KPNA5: variants seen among roughly 807,000 people sequenced by gnomAD.
KPNA5 encodes the protein karyopherin subunit alpha 5, also known as importin subunit alpha-6.
In KPNA5, 46 loss-of-function variants were observed where a neutral mutation model predicts 71.3. That is an observed-to-expected ratio of 0.65 (90% CI 0.51 to 0.83). The LOEUF (loss-of-function observed/expected upper bound fraction) is 0.83, where lower values mean the gene tolerates loss of function less well. Ranked by LOEUF, KPNA5 falls within the 40% of genes least tolerant of loss-of-function variation. KPNA5 has a pLI of 0.00. For missense variants in KPNA5, 547 were observed against 628.3 expected (o/e 0.87, Z 1.38); for synonymous variants, 207 against 201.4 (o/e 1.03, Z -0.24).
chr6:116,716,770 G>A (rs889060333), intron 8 of KPNA5, among the ~76,000 whole-genome samples: 2 of 152,108 alleles, frequency 1.3e-5, no homozygotes, highest in African/African-American at 4.8e-5. Flanking sequence ...TGTTTAAGAT[G>A]CTGTTAGGAA....
At chr6:116,688,892 A>C (rs1214859035) in intron 1 of KPNA5, among the ~76,000 whole-genome samples, 4 of 152,150 alleles carry the variant, frequency 2.6e-5, no homozygotes, top group Non-Finnish European at 5.9e-5. Flanking sequence ...TATTTCATTA[A>C]AAATAAGATA....
In KPNA5 at chr6:116,740,900, C is replaced by T. The variant is rs1179159025; in HGVS notation, c.*8577C>T. The T allele has an allele frequency of 2.6e-5, 4 of 151,388 alleles. No individual in the cohort carries two copies. The highest frequency in any genetic ancestry group is 5.9e-5 in the Non-Finnish European group (4 of 67,924). The allele number at this position is 151,388 out of a possible 1,614,324, so 9.4% of individuals were successfully genotyped here. ...AGGAGATATACCTAATGCTAAATGA[C>T]GAGTTAATGGGTGCAGCACACCAAC... is the stretch of plus-strand genomic sequence containing the variant. On this transcript the variant is annotated 3_prime_UTR_variant, in exon 14 of 14. Coordinates refer to ENST00000368564, the MANE Select transcript of KPNA5 (RefSeq NM_001366306.2).
rs1026480074 is a variant in KPNA5, at chr6:116,733,311, A to G, written c.*988A>G. ...TACAAGTTTAGGTACTCGAATGACAAAATTACCCTGAAGAAATAACCTTAT... is the reference window on the plus strand; with the variant it reads ...TACAAGTTTAGGTACTCGAATGACAGAATTACCCTGAAGAAATAACCTTAT... On this transcript the variant is annotated 3_prime_UTR_variant, in exon 14 of 14. Transcript: ENST00000368564. 43 of 151,864 alleles carry G rather than the reference A, an allele frequency of 2.8e-4. No individual in the cohort carries two copies. The highest frequency in any genetic ancestry group is 9.6e-4 in the African/African-American group (40 of 41,548). The allele number at this position is 151,864 out of a possible 1,614,324, so 9.4% of individuals were successfully genotyped here. A position where few individuals can be genotyped will look rare whatever the true frequency, so the allele number is the denominator to read the frequency against.
At chr6:116,703,743 T>C (rs1163294998) in intron 6 of KPNA5, among the ~76,000 whole-genome samples, 3 of 152,166 alleles carry the variant, frequency 2.0e-5, no homozygotes, top group Non-Finnish European at 4.4e-5. Flanking sequence ...ATGTTAAAAA[T>C]ACTAACTTAT....
chr6:116,710,412 T>C (rs1393504967), intron 7 of KPNA5, among the ~76,000 whole-genome samples: 1 of 152,188 alleles, frequency 6.6e-6, no homozygotes, highest in African/African-American at 2.4e-5. Context: ...ATTTTGCGGC[T>C]ACATAGTAGA....
At chr6:116,720,365 A>G (rs1583439057) in intron 8 of KPNA5, among the ~76,000 whole-genome samples, 1 of 147,986 alleles carries the variant, frequency 6.8e-6, no homozygotes, top group Admixed American at 6.7e-5. Flanking sequence ...ATTAATGTCT[A>G]CTGGCCTTTT....
At chr6:116,711,501 G>GT (rs961149637) in intron 7 of KPNA5, among the ~76,000 whole-genome samples, 158 of 133,400 alleles carry the variant, frequency 1.2e-3, no homozygotes, top group South Asian at 1.4e-3. Flanking sequence ...GTTTTGGTGT[G>GT]TTTTTTTTTT....
rs1779515912 is a variant in KPNA5, at chr6:116,732,106, ATATATATATATATATAC to A, written c.1433-28_1433-12del. The A allele has an allele frequency of 5.5e-5, 9 of 162,858 alleles. No individual in the cohort carries two copies. The highest frequency in any genetic ancestry group is 6.9e-5 in the Non-Finnish European group (6 of 87,410). 10.1% of individuals were successfully genotyped at this position (162,858 alleles called of 1,614,324 possible). On this transcript the variant is annotated splice_polypyrimidine_tract_variant and intron_variant, in intron 13 of 13. Coordinates refer to ENST00000368564, the MANE Select transcript of KPNA5 (RefSeq NM_001366306.2). ...TATATATATATATATATATATATAT[ATATATATATATATATAC>A]TTTGTATAACAGGTCTGGATAAAAT... is the stretch of plus-strand genomic sequence containing the variant.
intron 9 of KPNA5, among the ~76,000 whole-genome samples, chr6:116,723,211 A>T (rs1779179656): frequency 6.6e-6 from 1 of 152,224 alleles, no homozygotes; most frequent in Non-Finnish European, 1.5e-5. Flanking sequence ...AATATAGAAG[A>T]GGAGAAAGCC....
chr6:116,736,400 T>C lies in KPNA5; in HGVS notation c.*4077T>C, dbSNP rs1451877776. Reference sequence around the variant, plus strand: ...GTGACTGGGTACAAAGTTTCTTCTTTGAGCAATAAAAATAGGATTTTCTAA... The same window carrying C: ...GTGACTGGGTACAAAGTTTCTTCTTCGAGCAATAAAAATAGGATTTTCTAA... On this transcript the variant is annotated 3_prime_UTR_variant, in exon 14 of 14. Transcript: ENST00000368564. The C allele has an allele frequency of 6.6e-6, 1 of 151,904 alleles. No homozygotes were observed. The highest frequency in any genetic ancestry group is 2.4e-5 in the African/African-American group (1 of 41,416). The allele number at this position is 151,904 out of a possible 1,614,324, so 9.4% of individuals were successfully genotyped here. A position where few individuals can be genotyped will look rare whatever the true frequency, so the allele number is the denominator to read the frequency against.
At chr6:116,681,924 G>A (rs1777374986) in intron 1 of KPNA5, among the ~76,000 whole-genome samples, 2 of 152,070 alleles carry the variant, frequency 1.3e-5, no homozygotes, top group East Asian at 1.9e-4. Flanking sequence ...TAATACATAG[G>A]AGATGGAAGT....
At position 116,716,206 on chromosome 6, in the gene KPNA5, T is replaced by C; in HGVS notation, c.657-13T>C. The C allele has an allele frequency of 6.3e-7, 1 of 1,593,736 alleles. No homozygotes were observed. Among genetic ancestry groups the C allele is most frequent in the Non-Finnish European group, 8.6e-7 (1 of 1,168,072 alleles). On this transcript the variant is annotated splice_polypyrimidine_tract_variant and intron_variant, in intron 7 of 13. Coordinates refer to ENST00000368564, the MANE Select transcript of KPNA5 (RefSeq NM_001366306.2). ...TGTAAGGTGATAATTCTTTTTTTTC[T>C]TTTTCTTGGCAGGTTATTAACAAAT...
In KPNA5 at chr6:116,740,720, CCTT is replaced by C. The variant is rs1259858045; in HGVS notation, c.*8400_*8402del. The C allele has an allele frequency of 6.6e-6, 1 of 152,066 alleles. No individual in the cohort carries two copies. Among genetic ancestry groups the C allele is most frequent in the African/African-American group, 2.4e-5 (1 of 41,384 alleles). 9.4% of individuals were successfully genotyped at this position (152,066 alleles called of 1,614,324 possible). On this transcript the variant is annotated 3_prime_UTR_variant, in exon 14 of 14. Coordinates refer to ENST00000368564, the MANE Select transcript of KPNA5 (RefSeq NM_001366306.2). ...GGACATGGATGAAATTGGAAATCAT[CCTT>C]CTCAGTAAGCTATCGCAAGAACAAA...
At chr6:116,688,953 C>CTT (rs59172034) in intron 1 of KPNA5, among the ~76,000 whole-genome samples, 78 of 151,094 alleles carry the variant, frequency 5.2e-4, no homozygotes, top group Middle Eastern at 3.4e-3. Context: ...ATTTAGAAGA[C>CTT]TTTTTTTTTA....
intron 6 of KPNA5, among the ~76,000 whole-genome samples, chr6:116,704,247 C>T (rs1466702028): frequency 6.6e-6 from 1 of 152,118 alleles, no homozygotes; most frequent in East Asian, 1.9e-4. Context: ...CCATGTTGGC[C>T]AGGCTGGTCG....
At chr6:116,716,142 A>G (rs545411408) in intron 7 of KPNA5, 77 bp from the exon 8 acceptor site, 3 of 1,026,916 alleles carry the variant, frequency 2.9e-6, no homozygotes, top group African/African-American at 3.3e-5. Flanking sequence ...TATATTGGAG[A>G]GAAATTTTGT....
intron 8 of KPNA5, among the ~76,000 whole-genome samples, chr6:116,719,393 G>A (rs1208081138): frequency 6.6e-6 from 1 of 152,226 alleles, no homozygotes; most frequent in Non-Finnish European, 1.5e-5. Context: ...GGACTTCATT[G>A]TAGGATAATT....
chr6:116,731,445 T>A (rs746189028), intron 13 of KPNA5, among the ~76,000 whole-genome samples: 1 of 152,190 alleles, frequency 6.6e-6, no homozygotes, highest in South Asian at 2.1e-4. Context: ...GCTGCTTTTT[T>A]TTCTGTGATA....
At position 116,681,268 on chromosome 6, in the gene KPNA5, T is replaced by A; in HGVS notation, c.-67T>A. On this transcript the variant is annotated 5_prime_UTR_variant, in exon 1 of 14. Coordinates refer to ENST00000368564, the MANE Select transcript of KPNA5 (RefSeq NM_001366306.2). ...ACGCCAGGGGCGGAGTGGCGGCCCT[T>A]CTGTTACCCGCCACACACGTCGCCG... is the stretch of plus-strand genomic sequence containing the variant. The A allele has an allele frequency of 6.2e-7, 1 of 1,601,718 alleles. No individual in the cohort carries two copies. The highest frequency in any genetic ancestry group is 2.3e-5 in the East Asian group (1 of 44,270).
Sources: allele counts gnomAD v4.1 joint callset (sites outside exome capture counted in the v4.1 genomes callset), GRCh38; gene constraint gnomAD v4.1.1; transcripts MANE v1.5; gene names NCBI Gene and HGNC (gene_info 2026-07-23, HGNC 2026-07-21).